GRM4: variants seen among roughly 807,000 people sequenced by gnomAD.
GRM4 encodes metabotropic glutamate receptor 4.
GRM4 carries 28 observed loss-of-function variants against 81.7 expected under a neutral mutation model. The ratio of observed to expected loss-of-function variants is 0.34; its 90% CI spans 0.25 to 0.47. GRM4 has a LOEUF of 0.47. Among genes scored for constraint, GRM4 ranks in the 20% least tolerant of loss-of-function variants. GRM4 has a pLI of 1.00. For missense variants in GRM4, 948 were observed against 1,290.0 expected (o/e 0.73, Z 4.06); for synonymous variants, 488 against 528.8 (o/e 0.92, Z 1.06).
intron 10 of GRM4, among the ~76,000 whole-genome samples, chr6:34,025,812 G>A (rs573993121): frequency 6.6e-6 from 1 of 152,330 alleles, no homozygotes; most frequent in Admixed American, 6.5e-5. Context: ...GTAAGATGGG[G>A]TGATAATAAA....
rs150319570 is a variant in GRM4 at position 34,034,034 on chromosome 6, C to T, written c.2442+1634G>A. On this transcript the variant is annotated intron_variant, in intron 9 of 10. Transcript: ENST00000538487. The surrounding 1 kb of genome is among the most constrained non-coding windows in gnomAD (Gnocchi z 4.0). ...GATTATAGGCATGAGCCACCACACC[C>T]AGCCTTGGGCTCACAGCTCTAGATG... Among the ~76,000 whole-genome samples the T allele has an allele frequency of 0.013, 1,950 of 152,308 alleles. 16 individuals are homozygous for T. Among genetic ancestry groups the T allele is most frequent in the Middle Eastern group, 0.034 (10 of 294 alleles).
At chr6:34,029,708 A>G (rs1193474746) in intron 9 of GRM4, among the ~76,000 whole-genome samples, 1 of 152,230 alleles carries the variant, frequency 6.6e-6, no homozygotes, top group African/African-American at 2.4e-5. Flanking sequence ...CCAAGCACAG[A>G]CTGTGAAGCC....
At chr6:34,103,756 C>T (rs1258873552) in intron 2 of GRM4, 19 of 1,473,128 alleles carry the variant, frequency 1.3e-5, no homozygotes, top group East Asian at 2.5e-5. Context: ...GAAGCTGCCT[C>T]GCTGTGTGAC....
intron 2 of GRM4, among the ~76,000 whole-genome samples, chr6:34,127,251 G>A (rs1239933651): frequency 6.6e-6 from 1 of 152,166 alleles, no homozygotes; most frequent in Non-Finnish European, 1.5e-5. Context: ...CAGGGGCCAG[G>A]GAGCTTCTCC....
Position 34,061,732 on chromosome 6 carries a change from T to C in GRM4, c.872+161A>G. The stretch of plus-strand genomic sequence containing the variant: ...CATAGCAGTAGCTTGTGCTCTAGCC[T>C]GTGGGTCTCCCTGCCCACATACCCA... On this transcript the variant is annotated intron_variant, in intron 4 of 10. Coordinates refer to ENST00000538487, the MANE Select transcript of GRM4 (RefSeq NM_000841.4). The C allele has an allele frequency of 7.4e-6, 5 of 675,438 alleles. No individual in the cohort carries two copies. The South Asian group carries it at 9.8e-5, about 13-fold the overall frequency. 41.8% of individuals were successfully genotyped at this position (675,438 alleles called of 1,614,324 possible).
intron 9 of GRM4, 68 bp from the exon 10 acceptor site, chr6:34,028,434 C>T (rs1209691932): frequency 3.3e-6 from 5 of 1,536,162 alleles, no homozygotes; most frequent in East Asian, 4.5e-5. Context: ...CCCGCCAGTT[C>T]CCACCCAGGG....
In GRM4 at chr6:34,070,348, G is replaced by T. The variant is rs1413871810; in HGVS notation, c.737-8320C>A. Among the ~76,000 whole-genome samples, 1 of 152,120 alleles carries T rather than the reference G, an allele frequency of 6.6e-6. No individual in the cohort carries two copies. Among genetic ancestry groups the T allele is most frequent in the Non-Finnish European group, 1.5e-5 (1 of 68,022 alleles). On this transcript the variant is annotated intron_variant, in intron 3 of 10. Coordinates refer to ENST00000538487, the MANE Select transcript of GRM4 (RefSeq NM_000841.4). The surrounding 1 kb of genome is among the most constrained non-coding windows in gnomAD (Gnocchi z 4.6). The stretch of plus-strand genomic sequence containing the variant: ...GCTGGGATTTTACTTTCTCCACCAA[G>T]ACATCAATTCCTTATCATGAGTGCT...
Position 34,040,329 on chromosome 6 carries a change from G to T in GRM4, c.1370-15C>A, listed in dbSNP as rs13207952. 1 of 1,612,862 alleles carries T rather than the reference G, an allele frequency of 6.2e-7. No homozygotes were observed. The highest frequency in any genetic ancestry group is 1.3e-5 in the African/African-American group (1 of 74,910). On this transcript the variant is annotated splice_polypyrimidine_tract_variant and intron_variant, in intron 7 of 10. Transcript: ENST00000538487. ...CCCTGCGATGCCTGTAAGGGTGGGC[G>T]GGTGTCTTTGCAGAGCCTTTACCCA... is the stretch of plus-strand genomic sequence containing the variant.
chr6:34,145,073 C>T (rs1158419728), intron 1 of GRM4, among the ~76,000 whole-genome samples: 3 of 152,068 alleles, frequency 2.0e-5, no homozygotes, highest in African/African-American at 7.2e-5. Context: ...CGGTCCCCCT[C>T]GGGCCACAAC....
In GRM4 at chr6:34,036,033, A is replaced by G. The variant is rs768574869; in HGVS notation, c.2077T>C (p.Phe693Leu). 8.1e-6 allele frequency: 13 copies of G among 1,613,952 alleles called. No individual in the cohort carries two copies. The Admixed American group carries it at 1.3e-4, about 17-fold the overall frequency. ...GCCAGCTGTGAGGCGGGGCTGATGAAGCGTGGGGCACTGACCGAGCGCTTG... is the reference window on the plus strand; with the variant it reads ...GCCAGCTGTGAGGCGGGGCTGATGAGGCGTGGGGCACTGACCGAGCGCTTG... ...QGKRSVSAPR[F>L]ISPASQLAIT... Residue 693 changes from phenylalanine (F) to leucine (L), a missense_variant, in exon 9 of 11, where the codon TTC becomes CTC. Phe to Leu is a conservative substitution (Grantham distance 22). Coordinates refer to ENST00000538487, the MANE Select transcript of GRM4 (RefSeq NM_000841.4). This position sits in a 1 kb window ranked among gnomAD's most constrained non-coding sequence, Gnocchi z 9.0.
At chr6:34,038,605 C>T (rs2451385) in intron 8 of GRM4, among the ~76,000 whole-genome samples, 56,285 of 152,026 alleles carry the variant, frequency 0.37, 13,929 homozygotes, top group African/African-American at 0.71. Flanking sequence ...CTCTGTGGCC[C>T]TCACAGCACA....
intron 1 of GRM4, among the ~76,000 whole-genome samples, chr6:34,139,119 G>T (rs905870547): frequency 3.3e-5 from 5 of 152,218 alleles, no homozygotes; most frequent in Non-Finnish European, 7.3e-5. Context: ...GCACAGTGGG[G>T]GTCTGGCCCC....
At position 34,152,271 on chromosome 6, in the gene GRM4, C is replaced by A. The variant is rs1301404273; in HGVS notation, c.312+2808G>T. 1.3e-5 allele frequency among the ~76,000 whole-genome samples: 2 copies of A among 152,210 alleles called. No individual in the cohort carries two copies. Among genetic ancestry groups the A allele is most frequent in the South Asian group, 2.1e-4 (1 of 4,826 alleles). On this transcript the variant is annotated intron_variant, in intron 1 of 8. Coordinates refer to the GRM4 transcript ENST00000374177. The surrounding 1 kb of genome is among the most constrained non-coding windows in gnomAD (Gnocchi z 4.1). ...CTCCCACCGGCAGAGCCTGGAGGAGCCCGCATCCCACTCAGGCCACCTCCA... is the reference window on the plus strand; with the variant it reads ...CTCCCACCGGCAGAGCCTGGAGGAGACCGCATCCCACTCAGGCCACCTCCA...
chr6:34,035,674 G>T lies in GRM4; in HGVS notation c.2436C>A (p.Ala812=). 1.9e-6 allele frequency: 3 copies of T among 1,560,882 alleles called. No homozygotes were observed. Among genetic ancestry groups the T allele is most frequent in the Non-Finnish European group, 2.6e-6 (3 of 1,142,406 alleles). The change falls in exon 9 of 11, where the codon GCC becomes GCA. Residue 812 remains alanine (A), a synonymous_variant. Transcript: ENST00000538487. This position sits in a 1 kb window ranked among gnomAD's most constrained non-coding sequence, Gnocchi z 6.6. ...CCCGGCCCCCACCACTCACCTTGTC[G>T]GCCGACTGCGAGGTGCCAAAGAAGA... The part of the protein sequence containing the change: ...IPIFFGTSQS[A]DKLYIQTTTL...
intron 3 of GRM4, among the ~76,000 whole-genome samples, chr6:34,079,273 C>G (rs1468840888): frequency 1.3e-5 from 2 of 152,186 alleles, no homozygotes; most frequent in African/African-American, 2.4e-5. Context: ...GGCATGCAGC[C>G]AGGACACCCT....
chr6:34,070,785 C>A lies in GRM4; in HGVS notation c.737-8757G>T, dbSNP rs1157272848. 8.3e-6 allele frequency among the ~76,000 whole-genome samples: 1 copy of A among 121,116 alleles called. No individual in the cohort carries two copies. The highest frequency in any genetic ancestry group is 3.2e-5 in the African/African-American group (1 of 31,236). The allele number at this position is 121,116 out of a possible 152,430, so 79.5% of individuals were successfully genotyped here. A position where few individuals can be genotyped will look rare whatever the true frequency, so the allele number is the denominator to read the frequency against. On this transcript the variant is annotated intron_variant, in intron 3 of 10. Coordinates refer to ENST00000538487, the MANE Select transcript of GRM4 (RefSeq NM_000841.4). The surrounding 1 kb of genome is among the most constrained non-coding windows in gnomAD (Gnocchi z 4.6). ...GCACCCCCACCACACCCCCGCCACA[C>A]CCCCAGCCACACACACACACACACA...
chr6:34,060,531 G>A, intron 4 of GRM4: 1 of 152,382 alleles, frequency 6.6e-6, no homozygotes, highest in Non-Finnish European at 1.5e-5. Context: ...GGGACAAAAG[G>A]CCAAGTGCTT....
chr6:34,119,960 A>T (rs1769740989), intron 2 of GRM4, among the ~76,000 whole-genome samples: 1 of 152,156 alleles, frequency 6.6e-6, no homozygotes. Flanking sequence ...GCCCGTACGC[A>T]GGCCTGAGTT....
At chr6:34,128,877 C>T (rs1770129472) in intron 2 of GRM4, among the ~76,000 whole-genome samples, 1 of 152,186 alleles carries the variant, frequency 6.6e-6, no homozygotes, top group South Asian at 2.1e-4. Context: ...GCTTCTTCCA[C>T]TGCAAAATGA....
Sources: gnomAD v4.1 joint callset for allele counts (sites outside exome capture counted in the v4.1 genomes callset) on GRCh38, gnomAD v4.1.1 for gene constraint, Gnocchi (gnomAD v3.1) non-coding constraint, MANE v1.5 for transcripts, NCBI Gene and HGNC (gene_info 2026-07-23, HGNC 2026-07-21) for gene names.